KIF13A: variants seen among roughly 807,000 people sequenced by gnomAD.
KIF13A encodes kinesin family member 13A.
KIF13A carries 79 observed loss-of-function variants against 212.2 expected under a neutral mutation model. That is an observed-to-expected ratio of 0.37 (90% CI 0.31 to 0.45). The LOEUF (loss-of-function observed/expected upper bound fraction) is 0.45, where lower values mean the gene tolerates loss of function less well. Ranked by LOEUF, KIF13A falls within the 20% of genes least tolerant of loss-of-function variation. The pLI is 1.00. For synonymous variants in KIF13A, 789 were observed against 808.6 expected (o/e 0.98, Z 0.41); for missense variants, 1,901 against 2,209.0 (o/e 0.86, Z 2.79).
In KIF13A at chr6:17,826,142, A is replaced by T. The variant is rs1297784446; in HGVS notation, c.1533-18T>A. The T allele has an allele frequency of 6.3e-7, 1 of 1,599,656 alleles. No individual in the cohort carries two copies. The highest frequency in any genetic ancestry group is 8.6e-7 in the Non-Finnish European group (1 of 1,167,468). ...CACAGGACCTGGGAGAACACGAGGG[A>T]AAATACCAGGTAAATGGGAAGGAGC... On this transcript the variant is annotated intron_variant, in intron 14 of 38. Transcript: ENST00000259711. The surrounding 1 kb of genome is among the most constrained non-coding windows in gnomAD (Gnocchi z 4.7).
At chr6:17,804,652 AT>A in intron 19 of KIF13A, 142 bp from the exon 20 acceptor site, 1 of 925,268 alleles carries the variant, frequency 1.1e-6, no homozygotes. Flanking sequence ...TGTCACATAA[AT>A]AAAAACTAAA....
chr6:17,770,145 C>T (rs373988083), intron 38 of KIF13A, among the ~76,000 whole-genome samples: 7 of 152,094 alleles, frequency 4.6e-5, no homozygotes, highest in African/African-American at 1.7e-4. Context: ...GGATCCCACA[C>T]TAATGAGGGA....
intron 2 of KIF13A, among the ~76,000 whole-genome samples, chr6:17,922,510 G>A (rs761096513): frequency 5.3e-5 from 8 of 151,586 alleles, no homozygotes; most frequent in East Asian, 1.9e-4. Context: ...AAGCAAGCCC[G>A]TGAATAATAT....
rs1003790490 is a variant in KIF13A, at chr6:17,789,810, C to T, written c.3261+62G>A. On this transcript the variant is annotated intron_variant, in intron 26 of 38. Transcript: ENST00000259711. The surrounding 1 kb of genome is among the most constrained non-coding windows in gnomAD (Gnocchi z 4.8). ...TTCCTCCTCCCTGGCCTCTGCTTTG[C>T]GAATGCTGGCAATTAGCAGTAGCTG... The T allele has an allele frequency of 2.9e-5, 42 of 1,456,488 alleles. No individual in the cohort carries two copies. The highest frequency in any genetic ancestry group is 3.4e-5 in the Non-Finnish European group (36 of 1,043,710). The allele number at this position is 1,456,488 out of a possible 1,614,324, so 90.2% of individuals were successfully genotyped here.
intron 2 of KIF13A, among the ~76,000 whole-genome samples, chr6:17,924,606 T>C (rs1295612849): frequency 6.6e-6 from 1 of 152,200 alleles, no homozygotes; most frequent in East Asian, 1.9e-4. Flanking sequence ...AAAGCTTACA[T>C]TTATATTGCA....
intron 22 of KIF13A, 149 bp from the exon 23 acceptor site, chr6:17,796,969 A>C: frequency 2.3e-6 from 1 of 439,734 alleles, no homozygotes; most frequent in Non-Finnish European, 3.8e-6. Context: ...AAAACCATAA[A>C]GAACCACAGA....
At chr6:17,958,876 CTTTTTTTTTT>C (rs398000716) in intron 2 of KIF13A, among the ~76,000 whole-genome samples, 9,941 of 84,000 alleles carry the variant, frequency 0.12, 414 homozygotes, top group Middle Eastern at 0.21. Flanking sequence ...TTTTCTTTTT[CTTTTTTTTTT>C]TTTTTTTTTT....
At chr6:17,836,053 A>T (rs1765925754) in intron 11 of KIF13A, among the ~76,000 whole-genome samples, 1 of 152,210 alleles carries the variant, frequency 6.6e-6, no homozygotes, top group Non-Finnish European at 1.5e-5. Context: ...TATTTCAAAT[A>T]AGACAGTGCC....
intron 3 of KIF13A, among the ~76,000 whole-genome samples, chr6:17,876,041 A>C (rs1021923978): frequency 6.6e-6 from 1 of 152,160 alleles, no homozygotes; most frequent in Non-Finnish European, 1.5e-5. Flanking sequence ...TCCCCAATTC[A>C]TTTTGGTGAG....
At chr6:17,842,999 C>T (rs1426315591) in intron 9 of KIF13A, among the ~76,000 whole-genome samples, 2 of 151,966 alleles carry the variant, frequency 1.3e-5, no homozygotes, top group African/African-American at 4.8e-5. Flanking sequence ...TATTATTTTA[C>T]TTATTAGTCC....
At position 17,918,335 on chromosome 6, in the gene KIF13A, T is replaced by C. The variant is rs1774735660; in HGVS notation, c.147-20155A>G. On this transcript the variant is annotated intron_variant, in intron 2 of 38. Coordinates refer to ENST00000259711, the MANE Select transcript of KIF13A (RefSeq NM_022113.6). The surrounding 1 kb of genome is among the most constrained non-coding windows in gnomAD (Gnocchi z 4.8). ...GTCTCAGAACTGTAGACCAAAAGAA[T>C]GTAAATGTCCCACACTGCCATTTAT... Among the ~76,000 whole-genome samples the C allele has an allele frequency of 6.6e-6, 1 of 152,168 alleles. No individual in the cohort carries two copies. The highest frequency in any genetic ancestry group is 2.4e-5 in the African/African-American group (1 of 41,448).
intron 4 of KIF13A, among the ~76,000 whole-genome samples, chr6:17,859,235 A>T (rs1461985221): frequency 6.6e-6 from 1 of 152,192 alleles, no homozygotes; most frequent in Non-Finnish European, 1.5e-5. Context: ...TAAATGAAAC[A>T]AACCACCAGG....
Position 17,763,910 on chromosome 6 carries a change from A to T in KIF13A, c.*200T>A, listed in dbSNP as rs1047894136. ...TTCAACACCAACCCATGTGCCAGGT[A>T]AAAAAATCCACTGGTCTTATAATTT... On this transcript the variant is annotated 3_prime_UTR_variant, in exon 39 of 39. Coordinates refer to ENST00000259711, the MANE Select transcript of KIF13A (RefSeq NM_022113.6). The T allele has an allele frequency of 7.1e-7, 1 of 1,417,880 alleles. No individual in the cohort carries two copies. Among genetic ancestry groups the T allele is most frequent in the Non-Finnish European group, 9.2e-7 (1 of 1,090,080 alleles). The allele number at this position is 1,417,880 out of a possible 1,614,324, so 87.8% of individuals were successfully genotyped here.
At chr6:17,801,658 T>C (rs747117246) in intron 20 of KIF13A, among the ~76,000 whole-genome samples, 3 of 152,218 alleles carry the variant, frequency 2.0e-5, no homozygotes, top group East Asian at 1.9e-4. Flanking sequence ...GGAACTGTGC[T>C]ATGAGCATCC....
intron 17 of KIF13A, among the ~76,000 whole-genome samples, chr6:17,810,493 G>T (rs1034143277): frequency 6.6e-6 from 1 of 152,204 alleles, no homozygotes; most frequent in African/African-American, 2.4e-5. Context: ...TTTGGCACCA[G>T]GGACTAGTTA....
chr6:17,913,284 G>C (rs2150507868), intron 2 of KIF13A, among the ~76,000 whole-genome samples: 1 of 152,044 alleles, frequency 6.6e-6, no homozygotes, highest in Admixed American at 6.6e-5. Flanking sequence ...TATGGGTTTG[G>C]GAAACTCACA....
At chr6:17,983,359 G>A (rs1013321159) in intron 2 of KIF13A, among the ~76,000 whole-genome samples, 10 of 152,020 alleles carry the variant, frequency 6.6e-5, no homozygotes, top group African/African-American at 2.2e-4. Flanking sequence ...GACAGCAGGG[G>A]TGAAGAGGAA....
chr6:17,779,734 T>C (rs776605657), intron 31 of KIF13A, 50 bp from the exon 32 acceptor site: 2 of 712,268 alleles, frequency 2.8e-6, no homozygotes, highest in Non-Finnish European at 4.5e-6. Flanking sequence ...AAATGTAAGT[T>C]ATTTTGTATT....
intron 2 of KIF13A, among the ~76,000 whole-genome samples, chr6:17,956,248 A>G (rs965518737): frequency 2.6e-5 from 4 of 152,190 alleles, no homozygotes; most frequent in Non-Finnish European, 4.4e-5. Context: ...AAAGGCTAGG[A>G]TTTACTTTCA....
Sources: allele counts gnomAD v4.1 joint callset (sites outside exome capture counted in the v4.1 genomes callset), GRCh38; gene constraint gnomAD v4.1.1; non-coding constraint Gnocchi (gnomAD v3.1); transcripts MANE v1.5; gene names NCBI Gene and HGNC (gene_info 2026-07-23, HGNC 2026-07-21).